The following TSNAX variants were observed in gnomAD, a reference collection of about 807,000 sequenced individuals.
TSNAX encodes the protein translin associated factor X.
In TSNAX, 12 loss-of-function variants were observed where a neutral mutation model predicts 33.0. The ratio of observed to expected loss-of-function variants is 0.36; its 90% CI spans 0.23 to 0.59. The LOEUF (loss-of-function observed/expected upper bound fraction) is 0.59. Among genes scored for constraint, TSNAX ranks in the 20% least tolerant of loss-of-function variants. TSNAX has a pLI of 0.74. For synonymous variants in TSNAX, 110 were observed against 117.2 expected, an observed-to-expected ratio of 0.94 and a Z score of 0.40; for missense variants, 267 against 341.3, an observed-to-expected ratio of 0.78 and a Z score of 1.72.
Position 231,542,580 on chromosome 1 carries a change from T to C in TSNAX, c.336T>C (p.Asp112=). 9 of 1,614,036 alleles carry C rather than the reference T, an allele frequency of 5.6e-6. No individual in the cohort carries two copies. Among genetic ancestry groups the C allele is most frequent in the Non-Finnish European group, 7.6e-6 (9 of 1,179,946 alleles). The part of the protein sequence containing the change: ...FQVAQELSGE[D]MHQFHRAITT... Reference sequence around the variant, plus strand: ...TAGCCCAAGAGCTATCAGGGGAAGATATGCATCAGTTCCATCGAGCCATTA... The same window carrying C: ...TAGCCCAAGAGCTATCAGGGGAAGACATGCATCAGTTCCATCGAGCCATTA... The change falls in exon 4 of 6, where the codon GAT becomes GAC. Residue 112 remains aspartate, a synonymous_variant. Transcript: ENST00000366639.
chr1:231,564,193 C>T (rs1036365182), intron 5 of TSNAX, among the ~76,000 whole-genome samples: 25 of 152,128 alleles, frequency 1.6e-4, no homozygotes, highest in Admixed American at 1.6e-3. Flanking sequence ...AAGTAATTGT[C>T]GTGCAATAAA....
chr1:231,557,492 T>A (rs926695406), intron 4 of TSNAX, among the ~76,000 whole-genome samples: 10 of 152,130 alleles, frequency 6.6e-5, no homozygotes, highest in African/African-American at 2.4e-4. Context: ...CCAAGCTAGA[T>A]TGAAGTAGGT....
At chr1:231,549,246 C>G (rs1037338781) in intron 4 of TSNAX, among the ~76,000 whole-genome samples, 7 of 152,052 alleles carry the variant, frequency 4.6e-5, no homozygotes, top group Non-Finnish European at 8.8e-5. Context: ...GAGTTCGAGA[C>G]CAGCCTGACC....
chr1:231,563,651 A>C (rs1211020343), intron 5 of TSNAX: 1 of 111,300 alleles, frequency 9.0e-6, no homozygotes, highest in Non-Finnish European at 1.9e-5. Context: ...TGTGGATATA[A>C]ATTTTTTTTT....
chr1:231,546,466 C>T (rs940250584), intron 4 of TSNAX, among the ~76,000 whole-genome samples: 3 of 152,122 alleles, frequency 2.0e-5, no homozygotes, highest in Non-Finnish European at 4.4e-5. Flanking sequence ...GATGTAGGTT[C>T]AGCATATTGG....
chr1:231,544,857 T>G (rs968146902), intron 4 of TSNAX, among the ~76,000 whole-genome samples: 3 of 152,216 alleles, frequency 2.0e-5, no homozygotes, highest in Admixed American at 6.5e-5. Context: ...GATAGGACAT[T>G]AAGAAAATGG....
intron 2 of TSNAX, among the ~76,000 whole-genome samples, chr1:231,529,572 A>G (rs147906679): frequency 2.6e-4 from 39 of 152,370 alleles, no homozygotes; most frequent in African/African-American, 8.4e-4. Flanking sequence ...AACATGACTT[A>G]AACACAAGAA....
At position 231,536,953 on chromosome 1, in the gene TSNAX, C is replaced by T. The variant is rs149496935; in HGVS notation, c.122-260C>T. On this transcript the variant is annotated intron_variant, in intron 2 of 5. Coordinates refer to ENST00000366639, the MANE Select transcript of TSNAX (RefSeq NM_005999.3). ...GTTCAAGCGATTCTTCTGCCTCAGC[C>T]TCCCGAGTAGCTGGGACTACAGGCA... 9.9e-3 allele frequency: 2,148 copies of T among 216,428 alleles called. 55 individuals carry two copies. Among genetic ancestry groups the T allele is most frequent in the African/African-American group, 0.046 (2,017 of 43,830 alleles). The allele number at this position is 216,428 out of a possible 1,614,324, so 13.4% of individuals were successfully genotyped here.
At chr1:231,540,821 A>G (rs1013974397) in intron 3 of TSNAX, among the ~76,000 whole-genome samples, 4 of 152,154 alleles carry the variant, frequency 2.6e-5, no homozygotes, top group East Asian at 1.9e-4. Context: ...TATTTGGTAC[A>G]TTAATATTTA....
At chr1:231,546,048 T>G (rs1384169332) in intron 4 of TSNAX, among the ~76,000 whole-genome samples, 2 of 152,216 alleles carry the variant, frequency 1.3e-5, no homozygotes, top group African/African-American at 4.8e-5. Flanking sequence ...CAGCACACAC[T>G]GTGGCCCTTT....
intron 4 of TSNAX, among the ~76,000 whole-genome samples, chr1:231,554,463 C>G (rs1374325665): frequency 6.6e-6 from 1 of 152,158 alleles, no homozygotes; most frequent in Non-Finnish European, 1.5e-5. Flanking sequence ...TGTCCCCACC[C>G]TCAGAGTTCT....
chr1:231,541,346 G>A (rs1160347394), intron 3 of TSNAX, among the ~76,000 whole-genome samples: 2 of 152,096 alleles, frequency 1.3e-5, no homozygotes, highest in Non-Finnish European at 2.9e-5. Context: ...TGATTTTTTG[G>A]TAACAGTTAC....
At chr1:231,546,187 TTATA>T (rs1283501276) in intron 4 of TSNAX, among the ~76,000 whole-genome samples, 1 of 152,214 alleles carries the variant, frequency 6.6e-6, no homozygotes, top group East Asian at 1.9e-4. Flanking sequence ...GTTTTTCACT[TTATA>T]TATCCCAGAC....
chr1:231,562,907 CACTA>C (rs2124949663), intron 5 of TSNAX, among the ~76,000 whole-genome samples: 1 of 152,096 alleles, frequency 6.6e-6, no homozygotes, highest in African/African-American at 2.4e-5. Context: ...ACATTAGTGC[CACTA>C]ACTAGCTATC....
intron 2 of TSNAX, among the ~76,000 whole-genome samples, chr1:231,532,765 A>G (rs1210423651): frequency 2.0e-5 from 3 of 152,170 alleles, no homozygotes; most frequent in African/African-American, 7.2e-5. Context: ...CCCAGTTAAT[A>G]CATACCTATA....
chr1:231,560,019 G>A (rs897424766), intron 4 of TSNAX, among the ~76,000 whole-genome samples: 22 of 149,354 alleles, frequency 1.5e-4, no homozygotes, highest in African/African-American at 4.7e-4. Flanking sequence ...TCGCTCTGCC[G>A]CCTAGGCCGC....
In TSNAX at chr1:231,528,834, C is replaced by T. The variant is rs200331750; in HGVS notation, c.16+8C>T. On this transcript the variant is annotated splice_region_variant and intron_variant, in intron 1 of 5. Transcript: ENST00000366639. ...ACATGAGCAACAAAGAAGGTGGCGT[C>T]CTTAACAACACGGGGCGTTATTTAT... 3.1e-6 allele frequency: 5 copies of T among 1,614,080 alleles called. No individual in the cohort carries two copies. Among genetic ancestry groups the T allele is most frequent in the Non-Finnish European group, 3.4e-6 (4 of 1,180,050 alleles).
intron 2 of TSNAX, among the ~76,000 whole-genome samples, chr1:231,530,526 C>T (rs559622616): frequency 2.6e-5 from 4 of 151,920 alleles, no homozygotes; most frequent in South Asian, 4.2e-4. Flanking sequence ...AACCCTGACT[C>T]TAATAAAGTA....
At chr1:231,561,358 T>A in intron 5 of TSNAX, 103 bp downstream of exon 5, 1 of 981,716 alleles carries the variant, frequency 1.0e-6, no homozygotes, top group Non-Finnish European at 1.5e-6. Flanking sequence ...ATGGGAATGT[T>A]CTTTCTAAAG....
Sources: allele counts gnomAD v4.1 joint callset (sites outside exome capture counted in the v4.1 genomes callset), GRCh38; gene constraint gnomAD v4.1.1; transcripts MANE v1.5; gene names NCBI Gene and HGNC (gene_info 2026-07-23, HGNC 2026-07-21).